Variants in DIAPH1 observed in about 807,000 individuals in gnomAD.
DIAPH1 encodes diaphanous related formin 1, also known as protein diaphanous homolog 1.
In DIAPH1, 46 loss-of-function variants were observed where a neutral mutation model predicts 140.7. The ratio of observed to expected loss-of-function variants is 0.33; its 90% confidence interval spans 0.26 to 0.42. DIAPH1 has a LOEUF of 0.42. Ranked by LOEUF, DIAPH1 falls within the 10% of genes least tolerant of loss-of-function variation. DIAPH1 has a pLI of 1.00. For synonymous variants in DIAPH1, 565 were observed against 551.6 expected, an observed-to-expected ratio of 1.02 and a Z score of -0.34; for missense variants, 1,310 against 1,558.7, an observed-to-expected ratio of 0.84 and a Z score of 2.69.
intron 18 of DIAPH1, among the ~76,000 whole-genome samples, chr5:141,548,164 A>G (rs1036008868): frequency 1.5e-4 from 22 of 151,270 alleles, no homozygotes; most frequent in African/African-American, 4.6e-4. Context: ...GCGCCACTCC[A>G]CTCCAGCCTG....
At chr5:141,607,810 T>G (rs1402087253) in intron 1 of DIAPH1, among the ~76,000 whole-genome samples, 3 of 152,198 alleles carry the variant, frequency 2.0e-5, no homozygotes, top group African/African-American at 7.2e-5. Context: ...CTGCCAAATC[T>G]TGGATTTTAT....
At chr5:141,558,686 T>A (rs181563621) in intron 18 of DIAPH1, among the ~76,000 whole-genome samples, 2 of 149,986 alleles carry the variant, frequency 1.3e-5, no homozygotes, top group Non-Finnish European at 2.9e-5. Flanking sequence ...CCCTCCATTA[T>A]CTTTATCTTA....
chr5:141,535,327 C>T (rs547232474), intron 18 of DIAPH1, among the ~76,000 whole-genome samples: 45 of 152,282 alleles, frequency 3.0e-4, no homozygotes, highest in African/African-American at 1.1e-3. Context: ...GTAAAATATA[C>T]TTCTGCCTTC....
Position 141,583,545 on chromosome 5 carries a change from T to C in DIAPH1, c.473A>G (p.Asp158Gly), listed in dbSNP as rs780270470. ...CTCCAGGCAGCTGAGCAGAGGCATA[T>C]CCCGCAAGCCTGACCTCAACTCCTG... ...YIQELRSGLRDMPLLSCLESL... is the reference protein window; with the variant it reads ...YIQELRSGLRGMPLLSCLESL... Residue 158 changes from aspartate (D) to glycine (G), a missense_variant, in exon 5 of 28, where the codon GAT becomes GGT. This residue lies in a region of DIAPH1 where 377 missense variants were observed against 497.1 expected (regional missense o/e 0.76). Coordinates refer to ENST00000389054, the MANE Select transcript of DIAPH1 (RefSeq NM_005219.5). The C allele has an allele frequency of 6.2e-7, 1 of 1,614,150 alleles. No homozygotes were observed. The highest frequency in any genetic ancestry group is 8.5e-7 in the Non-Finnish European group (1 of 1,180,024).
intron 1 of DIAPH1, among the ~76,000 whole-genome samples, chr5:141,598,524 A>AATATATTT: frequency 6.6e-6 from 1 of 152,230 alleles, no homozygotes; most frequent in Non-Finnish European, 1.5e-5. Flanking sequence ...CTCTGCACTA[A>AATATATTT]GACCATCCAT....
Position 141,573,996 on chromosome 5 carries a change from TGGAGGAGGA to T in DIAPH1, c.1845_1853del (p.Pro618_Pro620del), listed in dbSNP as rs3075570. ...TGCAAACACCCCCAGGCAAAGGAGG[TGGAGGAGGA>T]GGAGGAGGAGGAGGAGGAGGAGGAG... is the stretch of plus-strand genomic sequence containing the variant. On this transcript the variant is annotated inframe_deletion, in exon 16 of 28. Coordinates refer to ENST00000389054, the MANE Select transcript of DIAPH1 (RefSeq NM_005219.5). 107 of 1,511,874 alleles carry T rather than the reference TGGAGGAGGA, an allele frequency of 7.1e-5. 1 individual carries two copies. Among genetic ancestry groups the T allele is most frequent in the Middle Eastern group, 4.3e-4 (2 of 4,652 alleles). The allele number at this position is 1,511,874 out of a possible 1,614,324, so 93.7% of individuals were successfully genotyped here.
At chr5:141,519,718 G>A (rs2099886226) in intron 27 of DIAPH1, among the ~76,000 whole-genome samples, 1 of 152,180 alleles carries the variant, frequency 6.6e-6, no homozygotes, top group Admixed American at 6.5e-5. Flanking sequence ...GGGAGGGTGT[G>A]ATTTGGCCTA....
chr5:141,600,568 T>C (rs941833283), intron 1 of DIAPH1, among the ~76,000 whole-genome samples: 5 of 152,224 alleles, frequency 3.3e-5, no homozygotes, highest in Middle Eastern at 3.2e-3. Context: ...ATTTCTGGCT[T>C]CCTAGAAAAC....
At position 141,578,571 on chromosome 5, in the gene DIAPH1, A is replaced by T. The variant is rs2154596449; in HGVS notation, c.988T>A (p.Phe330Ile). ...AGTTCACTTCTGATGTGAACTCGGA[A>T]GTCAAGTTCCTCCGCTGGTGTGATG... is the stretch of plus-strand genomic sequence containing the variant. Reference protein sequence around the residue: ...ALITPAEELDFRVHIRSELMR... With the variant: ...ALITPAEELDIRVHIRSELMR... The change falls in exon 10 of 28, where the codon TTC becomes ATC. Residue 330 changes from phenylalanine to isoleucine, a missense_variant. By Grantham distance (21) the Phe-to-Ile change is conservative. Around this residue, in one of 3 missense-constraint regions of DIAPH1, gnomAD observed 377 missense variants for 497.1 expected, o/e 0.76. Transcript: ENST00000389054. 1 of 1,613,908 alleles carries T rather than the reference A, an allele frequency of 6.2e-7. No individual in the cohort carries two copies. Among genetic ancestry groups the T allele is most frequent in the Non-Finnish European group, 8.5e-7 (1 of 1,180,008 alleles).
chr5:141,551,065 C>G (rs1405236799), intron 18 of DIAPH1, among the ~76,000 whole-genome samples: 2 of 152,216 alleles, frequency 1.3e-5, no homozygotes, highest in Admixed American at 1.3e-4. Flanking sequence ...TTGGTAAAAT[C>G]TGAAGAAAGT....
At chr5:141,527,821 G>A in intron 23 of DIAPH1, 124 bp from the exon 24 acceptor site, 1 of 1,220,612 alleles carries the variant, frequency 8.2e-7, no homozygotes, top group Admixed American at 2.8e-5. Flanking sequence ...ACACATTCTG[G>A]TACTTAATAA....
intron 19 of DIAPH1, among the ~76,000 whole-genome samples, chr5:141,531,237 C>CT (rs2099888177): frequency 6.6e-6 from 1 of 152,112 alleles, no homozygotes; most frequent in African/African-American, 2.4e-5. Flanking sequence ...GCAGAGTGAC[C>CT]TAAACCTCAA....
Position 141,573,920 on chromosome 5 carries a change from G to A in DIAPH1, c.1930C>T (p.Pro644Ser), listed in dbSNP as rs1343242960. ...GGGATGGTAGCATCCCCAGACAAAG[G>A]AGGGGGTGGAGAGATAGCAGTACCT... ...PGGTAISPPP[P>S]LSGDATIPPP... is the part of the protein sequence containing the mutation. The change falls in exon 16 of 28, where the codon CCT becomes TCT. Residue 644 changes from proline (P) to serine (S), a missense_variant. Transcript: ENST00000389054. 3 of 1,552,052 alleles carry A rather than the reference G, an allele frequency of 1.9e-6. No homozygotes were observed. The highest frequency in any genetic ancestry group is 1.2e-5 in the South Asian group (1 of 83,890).
chr5:141,577,723 T>C, intron 11 of DIAPH1, 132 bp from the exon 12 acceptor site: 1 of 716,982 alleles, frequency 1.4e-6, no homozygotes, highest in Non-Finnish European at 2.5e-6. Context: ...GTTCTTCCTG[T>C]AAACATCACC....
intron 1 of DIAPH1, among the ~76,000 whole-genome samples, chr5:141,598,377 C>T (rs2099899638): frequency 6.6e-6 from 1 of 151,998 alleles, no homozygotes. Context: ...AATAGAATTG[C>T]ATGTATTAAA....
chr5:141,573,132 C>G (rs979175046), intron 16 of DIAPH1, among the ~76,000 whole-genome samples: 3 of 152,052 alleles, frequency 2.0e-5, no homozygotes, highest in Non-Finnish European at 4.4e-5. Flanking sequence ...AAAACTGAAA[C>G]TGTTTCTTAA....
intron 18 of DIAPH1, among the ~76,000 whole-genome samples, chr5:141,567,441 A>G (rs953787393): frequency 6.6e-6 from 1 of 152,220 alleles, no homozygotes; most frequent in Non-Finnish European, 1.5e-5. Flanking sequence ...TTGTGCTAGT[A>G]GTCTGACCCT....
intron 18 of DIAPH1, among the ~76,000 whole-genome samples, chr5:141,566,029 G>A (rs974724385): frequency 1.8e-4 from 27 of 152,324 alleles, no homozygotes; most frequent in African/African-American, 6.0e-4. Context: ...AAACCCAAGC[G>A]AATGATTATA....
intron 26 of DIAPH1, 76 bp from the exon 27 acceptor site, chr5:141,524,305 T>C: frequency 7.4e-7 from 1 of 1,353,074 alleles, no homozygotes; most frequent in South Asian, 1.2e-5. Flanking sequence ...CCACACAAAA[T>C]GAATGGCTAT....
Sources: allele counts gnomAD v4.1 joint callset (sites outside exome capture counted in the v4.1 genomes callset), GRCh38; gene constraint gnomAD v4.1.1; regional missense constraint gnomAD v4.1.1; transcripts MANE v1.5; gene names NCBI Gene and HGNC (gene_info 2026-07-23, HGNC 2026-07-21).